ARHGEF10L: variants seen among roughly 807,000 people sequenced by gnomAD.
The protein encoded by ARHGEF10L is Rho guanine nucleotide exchange factor 10 like, also known as rho guanine nucleotide exchange factor 10-like protein.
A neutral mutation model predicts 141.2 loss-of-function variants in ARHGEF10L; 69 were observed. That is an observed-to-expected ratio of 0.49 (90% CI 0.40 to 0.60). The LOEUF is 0.60. Among genes scored for constraint, ARHGEF10L ranks in the 20% least tolerant of loss-of-function variants. The probability of loss-of-function intolerance (pLI) is 0.00; values close to 1 mark genes in which losing one functional copy is unlikely to be tolerated. For missense variants in ARHGEF10L, 1,482 were observed against 1,734.3 expected, an observed-to-expected ratio of 0.85 and a Z score of 2.58; for synonymous variants, 711 against 718.5, an observed-to-expected ratio of 0.99 and a Z score of 0.17.
intron 26 of ARHGEF10L, among the ~76,000 whole-genome samples, chr1:17,665,775 C>T (rs1024731888): frequency 6.6e-6 from 1 of 152,146 alleles, no homozygotes; most frequent in Non-Finnish European, 1.5e-5. Context: ...TATGTATACA[C>T]ACGTATATAG....
Position 17,687,621 on chromosome 1 carries a change from G to A in ARHGEF10L, c.3058G>A (p.Val1020Met), listed in dbSNP as rs771735151. The change falls in exon 27 of 29, where the codon GTG becomes ATG. Residue 1020 changes from valine to methionine, a missense_variant. Around this residue, in one of 3 missense-constraint regions of ARHGEF10L, gnomAD observed 858 missense variants for 966.3 expected, o/e 0.89. Transcript: ENST00000361221. ...CGAGGCAGTGAGCGTGACACACATG[G>A]TGAAGGCGGGCAGCGGCGTCTGGAT... is the stretch of plus-strand genomic sequence containing the variant. ...QDEAVSVTHM[V>M]KAGSGVWMAF... 3 of 1,613,114 alleles carry A rather than the reference G, an allele frequency of 1.9e-6. No individual in the cohort carries two copies. The highest frequency in any genetic ancestry group is 4.5e-5 in the East Asian group (2 of 44,850).
At chr1:17,528,853 T>A in the ARHGEF10L span, among the ~76,000 whole-genome samples, 3 of 152,200 alleles carry the variant, frequency 2.0e-5, no homozygotes, top group Non-Finnish European at 4.4e-5. Flanking sequence ...GTTCCAGTAC[T>A]TACTTCATGG....
intron 1 of ARHGEF10L, among the ~76,000 whole-genome samples, chr1:17,553,404 C>T (rs1194028183): frequency 6.6e-6 from 1 of 152,168 alleles, no homozygotes; most frequent in African/African-American, 2.4e-5. Context: ...ACATTTGCCA[C>T]CTTTTTCTAC....
At chr1:17,630,694 C>T (rs2060632271) in intron 15 of ARHGEF10L, among the ~76,000 whole-genome samples, 1 of 152,222 alleles carries the variant, frequency 6.6e-6, no homozygotes, top group Admixed American at 6.5e-5. Context: ...TCAGTTTCCT[C>T]ACCTGGGCAA....
At chr1:17,649,148 C>T (rs1307834032) in intron 22 of ARHGEF10L, among the ~76,000 whole-genome samples, 1 of 152,228 alleles carries the variant, frequency 6.6e-6, no homozygotes, top group Non-Finnish European at 1.5e-5. Flanking sequence ...ATTTTAATAT[C>T]TATAAGAACC....
rs544799716 is a variant in ARHGEF10L, at chr1:17,695,100, C to T, written c.3185-58C>T. On this transcript the variant is annotated intron_variant, in intron 27 of 28. Transcript: ENST00000361221. ...CCAGGCCCTCATCTCGTGGTGGTAC[C>T]CAGAGCCCATGCTGTCTCCCCAGGA... 3.7e-6 allele frequency: 6 copies of T among 1,607,508 alleles called. No homozygotes were observed. In the African/African-American group the frequency reaches 8.0e-5, roughly 21 times the overall value.
chr1:17,565,918 A>G lies in ARHGEF10L; in HGVS notation c.-43-14635A>G, dbSNP rs141910776. Reference sequence around the variant, plus strand: ...GCGGATGCTGGGCCAGGTGGTGCAGATACAGACACAAGTAGGTCGTGGTCT... The same window carrying G: ...GCGGATGCTGGGCCAGGTGGTGCAGGTACAGACACAAGTAGGTCGTGGTCT... On this transcript the variant is annotated intron_variant, in intron 1 of 28. Coordinates refer to ENST00000361221, the MANE Select transcript of ARHGEF10L (RefSeq NM_018125.4). 5.2e-3 allele frequency among the ~76,000 whole-genome samples: 790 copies of G among 152,110 alleles called. 7 individuals carry two copies. Among genetic ancestry groups the G allele is most frequent in the Admixed American group, 8.1e-3 (124 of 15,286 alleles).
chr1:17,537,872 AAAG>A (rs1321637495), upstream of ARHGEF10L, among the ~76,000 whole-genome samples: 1 of 150,866 alleles, frequency 6.6e-6, no homozygotes, highest in African/African-American at 2.4e-5. Flanking sequence ...AAAAAAAAAA[AAAG>A]AAAGAAAAGA....
intron 2 of ARHGEF10L, among the ~76,000 whole-genome samples, chr1:17,581,988 C>T (rs940304066): frequency 2.0e-5 from 3 of 152,092 alleles, no homozygotes; most frequent in Non-Finnish European, 4.4e-5. Flanking sequence ...TCACAAGGAC[C>T]GGGTCTGTCC....
chr1:17,602,305 G>C (rs1458877458), intron 5 of ARHGEF10L, 87 bp downstream of exon 5: 1 of 1,433,944 alleles, frequency 7.0e-7, no homozygotes, highest in East Asian at 2.5e-5. Flanking sequence ...GCTGATGTGG[G>C]CTCCTGTGAG....
At chr1:17,605,820 G>T (rs1272683136) in intron 6 of ARHGEF10L, among the ~76,000 whole-genome samples, 1 of 152,188 alleles carries the variant, frequency 6.6e-6, no homozygotes, top group Non-Finnish European at 1.5e-5. Context: ...TTGGCCACTA[G>T]TTCAGGGGCC....
rs2065521044 is a variant in ARHGEF10L at position 17,696,619 on chromosome 1, T to G, written c.3308-229T>G. Among the ~76,000 whole-genome samples, 4 of 152,286 alleles carry G rather than the reference T, an allele frequency of 2.6e-5. No homozygotes were observed. The South Asian group carries it at 8.3e-4, about 32-fold the overall frequency. Reference sequence around the variant, plus strand: ...TCAGGAAATTCTTGGAATTTCACACTGAGGCTCCCCCGTGTGGTGTATAAG... The same window carrying G: ...TCAGGAAATTCTTGGAATTTCACACGGAGGCTCCCCCGTGTGGTGTATAAG... On this transcript the variant is annotated intron_variant, in intron 28 of 28. Coordinates refer to ENST00000361221, the MANE Select transcript of ARHGEF10L (RefSeq NM_018125.4).
Position 17,696,968 on chromosome 1 carries a change from C to G in ARHGEF10L, c.3428C>G (p.Ala1143Gly). Residue 1143 changes from alanine to glycine, a missense_variant, in exon 29 of 29, where the codon GCT becomes GGT. By Grantham distance (60) the Ala-to-Gly change is moderately conservative. Coordinates refer to ENST00000361221, the MANE Select transcript of ARHGEF10L (RefSeq NM_018125.4). ...SDQEEAEGPR[A>G]EEDKPDGQAH... ...CAGGAGGAGGCTGAGGGGCCCCGGG[C>G]TGAGGAGGACAAGCCAGACGGGCAG... The G allele has an allele frequency of 6.2e-7, 1 of 1,612,432 alleles. No individual in the cohort carries two copies. The highest frequency in any genetic ancestry group is 8.5e-7 in the Non-Finnish European group (1 of 1,179,790).
At chr1:17,659,135 C>G (rs940063615) in intron 25 of ARHGEF10L, among the ~76,000 whole-genome samples, 1 of 152,142 alleles carries the variant, frequency 6.6e-6, no homozygotes, top group South Asian at 2.1e-4. Flanking sequence ...TGGGTTCCCT[C>G]TGGCTGGTAG....
intron 25 of ARHGEF10L, among the ~76,000 whole-genome samples, chr1:17,662,037 A>G (rs2062663586): frequency 6.6e-6 from 1 of 152,196 alleles, no homozygotes; most frequent in African/African-American, 2.4e-5. Context: ...GGTTAAGTGA[A>G]GTCAACACTT....
chr1:17,655,757 G>A, intron 23 of ARHGEF10L, 122 bp from the exon 24 acceptor site: 1 of 858,904 alleles, frequency 1.2e-6, no homozygotes, highest in East Asian at 2.7e-5. Flanking sequence ...CAGGATGTGT[G>A]TGGGCAGGAG....
chr1:17,628,708 G>A (rs1303779038), intron 15 of ARHGEF10L, among the ~76,000 whole-genome samples: 1 of 152,246 alleles, frequency 6.6e-6, no homozygotes, highest in East Asian at 1.9e-4. Context: ...CAGAACTAAG[G>A]CCTATGGCTG....
chr1:17,669,493 G>A (rs1313193306), intron 26 of ARHGEF10L, among the ~76,000 whole-genome samples: 6 of 152,224 alleles, frequency 3.9e-5, no homozygotes, highest in Non-Finnish European at 8.8e-5. Context: ...GAGAGGTTAA[G>A]TAACTTGCCC....
intron 6 of ARHGEF10L, among the ~76,000 whole-genome samples, chr1:17,606,440 C>T (rs894158744): frequency 2.6e-5 from 4 of 151,734 alleles, no homozygotes; most frequent in African/African-American, 4.8e-5. Context: ...ACTACAGGTG[C>T]GTGCCACCAC....
Sources: allele counts gnomAD v4.1 joint callset (sites outside exome capture counted in the v4.1 genomes callset), GRCh38; gene constraint gnomAD v4.1.1; regional missense constraint gnomAD v4.1.1; transcripts MANE v1.5; gene names NCBI Gene and HGNC (gene_info 2026-07-23, HGNC 2026-07-21).